Variants in CSMD1 observed in about 807,000 individuals in gnomAD.
CSMD1 encodes CUB and sushi domain-containing protein 1.
In CSMD1, 213 loss-of-function variants were observed where a neutral mutation model predicts 417.5. The ratio of observed to expected loss-of-function variants is 0.51; its 90% confidence interval spans 0.46 to 0.57. CSMD1 has a LOEUF of 0.57. CSMD1 is among the 20% of genes least tolerant of loss of function. CSMD1 has a pLI of 0.00. For missense variants in CSMD1, 6,923 were observed against 4,529.7 expected (o/e 1.53, Z -15.17); for synonymous variants, 2,862 against 1,736.8 (o/e 1.65, Z -16.11).
At chr8:4,318,882 A>C (rs1799097393) in intron 3 of CSMD1, among the ~76,000 whole-genome samples, 1 of 152,208 alleles carries the variant, frequency 6.6e-6, no homozygotes, top group African/African-American at 2.4e-5. Flanking sequence ...GATCTGTCCT[A>C]AATGAACGTA....
rs6987697 is a variant in CSMD1, at chr8:3,625,181, G to A, written c.1010-8384C>T. Among the ~76,000 whole-genome samples, 680 of 152,080 alleles carry A rather than the reference G, an allele frequency of 4.5e-3. 1 individual carries two copies. Among genetic ancestry groups the A allele is most frequent in the African/African-American group, 0.016 (649 of 41,490 alleles). On this transcript the variant is annotated intron_variant, in intron 7 of 69. Coordinates refer to ENST00000635120, the MANE Select transcript of CSMD1 (RefSeq NM_033225.6). ...ATGTTTACAAGTTCTATATAAACAG[G>A]TAAAATAAGAATTGTTGACACTTGG... is the stretch of plus-strand genomic sequence containing the variant.
intron 3 of CSMD1, among the ~76,000 whole-genome samples, chr8:4,418,492 T>A (rs1797071262): frequency 6.6e-6 from 1 of 152,106 alleles, no homozygotes; most frequent in African/African-American, 2.4e-5. Context: ...AAGACCACCT[T>A]TTCAGCTATC....
rs561621678 is a variant in CSMD1, at chr8:3,711,082, T to G, written c.932-2591A>C. Among the ~76,000 whole-genome samples the G allele has an allele frequency of 6.6e-5, 10 of 152,312 alleles. No homozygotes were observed. In the East Asian group the frequency reaches 1.5e-3, roughly 24 times the overall value. ...GAGATATTTTCCTATAGCAAATGTT[T>G]GCTATATTTCCTATAGCAATATTTT... On this transcript the variant is annotated intron_variant, in intron 6 of 69. Transcript: ENST00000635120.
intron 67 of CSMD1, 132 bp downstream of exon 67, chr8:2,950,099 G>C (rs1462849507): frequency 1.6e-6 from 1 of 623,786 alleles, no homozygotes; most frequent in Non-Finnish European, 2.9e-6. Context: ...TCAAGAAGAG[G>C]GGCAGCTGAG....
At chr8:3,307,119 G>C (rs1167072182) in intron 25 of CSMD1, among the ~76,000 whole-genome samples, 1 of 152,176 alleles carries the variant, frequency 6.6e-6, no homozygotes, top group East Asian at 1.9e-4. Context: ...TAAAAGAACA[G>C]TAGAGTGTAT....
At chr8:3,879,300 A>G (rs1426637803) in intron 5 of CSMD1, among the ~76,000 whole-genome samples, 3 of 151,978 alleles carry the variant, frequency 2.0e-5, no homozygotes, top group Non-Finnish European at 4.4e-5. Context: ...ATGTATGTCA[A>G]AAATGTCCTG....
At chr8:4,090,215 G>C (rs964347621) in intron 3 of CSMD1, among the ~76,000 whole-genome samples, 3 of 152,126 alleles carry the variant, frequency 2.0e-5, no homozygotes, top group South Asian at 4.1e-4. Context: ...GTCTTAAAAA[G>C]TATTTTTGGC....
At chr8:3,518,250 T>C (rs189594188) in intron 10 of CSMD1, among the ~76,000 whole-genome samples, 110 of 152,320 alleles carry the variant, frequency 7.2e-4, no homozygotes, top group African/African-American at 2.4e-3. Context: ...TTCATAAATA[T>C]GTTTCTTCAA....
At chr8:3,053,105 G>C in intron 49 of CSMD1, among the ~76,000 whole-genome samples, 1 of 152,276 alleles carries the variant, frequency 6.6e-6, no homozygotes, top group Middle Eastern at 3.4e-3. Flanking sequence ...TAGGGTATGG[G>C]ATAAGTATAC....
chr8:3,853,807 C>T (rs1804088006), intron 5 of CSMD1, among the ~76,000 whole-genome samples: 1 of 150,812 alleles, frequency 6.6e-6, no homozygotes, highest in African/African-American at 2.4e-5. Context: ...CAACATGGCA[C>T]ATGTATACAT....
At chr8:3,654,920 G>A (rs1317882785) in intron 7 of CSMD1, among the ~76,000 whole-genome samples, 1 of 152,278 alleles carries the variant, frequency 6.6e-6, no homozygotes. Flanking sequence ...GTTGAGCCAG[G>A]GAGCATCTCA....
chr8:3,527,050 A>C (rs1387359245), intron 10 of CSMD1, among the ~76,000 whole-genome samples: 3 of 152,098 alleles, frequency 2.0e-5, no homozygotes, highest in Admixed American at 6.6e-5. Flanking sequence ...TGTCGTATGC[A>C]TGCCGGGTCA....
At chr8:3,156,253 C>T (rs190331716) in intron 39 of CSMD1, among the ~76,000 whole-genome samples, 1 of 152,162 alleles carries the variant, frequency 6.6e-6, no homozygotes, top group Non-Finnish European at 1.5e-5. Context: ...GGGTTCTGAG[C>T]ACACCCCCAG....
chr8:3,724,237 G>A (rs1802360330), intron 6 of CSMD1, among the ~76,000 whole-genome samples: 1 of 151,338 alleles, frequency 6.6e-6, no homozygotes, highest in Non-Finnish European at 1.5e-5. Context: ...TAGGGTACAT[G>A]TGCACATTGT....
intron 10 of CSMD1, among the ~76,000 whole-genome samples, chr8:3,556,415 T>TATATATATATATATATATATACATA (rs1799148435): frequency 1.8e-5 from 1 of 57,122 alleles, no homozygotes; most frequent in African/African-American, 6.2e-5. Context: ...ATATATATAT[T>TATATATATATATATATATATACATA]CACACACACA....
chr8:3,243,395 C>T lies in CSMD1; in HGVS notation c.4154-13164G>A, dbSNP rs1344875883. On this transcript the variant is annotated intron_variant, in intron 26 of 69. Transcript: ENST00000635120. ...TAAAGCTGTTTATTTCACCTGGGTG[C>T]AGGTGGGCTGAGTCCGAAAAGAGAG... 2.3e-4 allele frequency among the ~76,000 whole-genome samples: 35 copies of T among 150,206 alleles called. No individual in the cohort carries two copies. In the Admixed American group the frequency reaches 2.3e-3, roughly 10 times the overall value.
intron 11 of CSMD1, among the ~76,000 whole-genome samples, chr8:3,487,742 G>GT (rs1403664400): frequency 6.6e-6 from 1 of 152,110 alleles, no homozygotes; most frequent in Non-Finnish European, 1.5e-5. Context: ...AGCTGTGAAT[G>GT]TTTTTAAGAG....
intron 3 of CSMD1, among the ~76,000 whole-genome samples, chr8:4,186,565 A>T (rs1798688253): frequency 6.6e-6 from 1 of 152,214 alleles, no homozygotes; most frequent in Non-Finnish European, 1.5e-5. Context: ...AGACGAAATA[A>T]TAGGAAGGGT....
intron 1 of CSMD1, among the ~76,000 whole-genome samples, chr8:4,945,108 A>T (rs781200488): frequency 3.0e-4 from 46 of 152,190 alleles, no homozygotes; most frequent in Non-Finnish European, 4.3e-4. Context: ...ACACAGATGG[A>T]CCTCAAGCAC....
Sources: gnomAD v4.1 joint callset for allele counts (sites outside exome capture counted in the v4.1 genomes callset) on GRCh38, gnomAD v4.1.1 for gene constraint, MANE v1.5 for transcripts, NCBI Gene and HGNC (gene_info 2026-07-23, HGNC 2026-07-21) for gene names.